The following FZD8 variants were observed in gnomAD, a reference collection of about 807,000 sequenced individuals.
The protein encoded by FZD8 is frizzled-8.
In FZD8, 18 loss-of-function variants were observed where a neutral mutation model predicts 46.0. That is an observed-to-expected ratio of 0.39 (90% confidence interval 0.27 to 0.58). The LOEUF (loss-of-function observed/expected upper bound fraction) is 0.58, where lower values mean the gene tolerates loss of function less well. Among genes scored for constraint, FZD8 ranks in the 20% least tolerant of loss-of-function variants. The pLI, the probability that FZD8 is intolerant of heterozygous loss-of-function variation, is 0.55. For synonymous variants in FZD8, 586 were observed against 467.9 expected, an observed-to-expected ratio of 1.25 and a Z score of -3.26; for missense variants, 785 against 983.4, an observed-to-expected ratio of 0.80 and a Z score of 2.70.
At position 35,639,705 on chromosome 10, in the gene FZD8, G is replaced by A. The variant is rs61754569; in HGVS notation, c.1725C>T (p.Pro575=). The A allele has an allele frequency of 1.5e-3, 2,451 of 1,599,650 alleles. 10 individuals carry two copies. Among genetic ancestry groups the A allele is most frequent in the Middle Eastern group, 0.011 (69 of 6,062 alleles). ...CGTAGTCGGGCCTGCGTGCCTGGTCGGGCTGCAGGTCCCGCAGGCACGGGC... is the reference window on the plus strand; with the variant it reads ...CGTAGTCGGGCCTGCGTGCCTGGTCAGGCTGCAGGTCCCGCAGGCACGGGC... ...HNCPCLRDLQ[P]DQARRPDYAV... The change falls in exon 1 of 1, where the codon CCC becomes CCT. Residue 575 remains proline, a synonymous_variant. Transcript: ENST00000374694.
Position 35,640,753 on chromosome 10 carries a change from G to A in FZD8, c.677C>T (p.Ala226Val), listed in dbSNP as rs578143078. 53 of 1,298,936 alleles carry A rather than the reference G, an allele frequency of 4.1e-5. No individual in the cohort carries two copies. In the African/African-American group the frequency reaches 7.6e-4, roughly 19 times the overall value. The allele number at this position is 1,298,936 out of a possible 1,614,324, so 80.5% of individuals were successfully genotyped here. The change falls in exon 1 of 1, where the codon GCT becomes GTT. Residue 226 changes from alanine to valine, a missense_variant. Physicochemically the swap from Ala to Val is moderately conservative, Grantham distance 64. Transcript: ENST00000374694. Reference protein sequence around the residue: ...GKARPPGGGAAPCEPGCQCRA... With the variant: ...GKARPPGGGAVPCEPGCQCRA... ...GCACTGGCACCCGGGCTCGCAGGGA[G>A]CCGCGCCGCCGCCAGGGGGCCGCGC...
chr10:35,638,348 G>A lies in FZD8; in HGVS notation c.*997C>T, dbSNP rs530914886. 1 of 152,600 alleles carries A rather than the reference G, an allele frequency of 6.6e-6. No homozygotes were observed. The highest frequency in any genetic ancestry group is 2.1e-4 in the South Asian group (1 of 4,820). The allele number at this position is 152,600 out of a possible 1,614,324, so 9.5% of individuals were successfully genotyped here. A position where few individuals can be genotyped will look rare whatever the true frequency, so the allele number is the denominator to read the frequency against. ...GTTCCATTTACATCCACTAAAGTGA[G>A]AGTTGTTATCCATGGATCAGAAAAG... On this transcript the variant is annotated 3_prime_UTR_variant, in exon 1 of 1. Coordinates refer to ENST00000374694, the MANE Select transcript of FZD8 (RefSeq NM_031866.3).
In FZD8 at chr10:35,640,380, AGCGCCCCCCGCGCCCG is replaced by A; in HGVS notation, c.1034_1049del (p.Pro345LeufsTer66). ...CCGCCGCCGCGCCGCCCGCGCCCCC[AGCGCCCCCCGCGCCCG>A]GCGCGCCACCGCTGCACGCCACCTT... is the stretch of plus-strand genomic sequence containing the variant. On this transcript the variant is annotated frameshift_variant, in exon 1 of 1. Coordinates refer to ENST00000374694, the MANE Select transcript of FZD8 (RefSeq NM_031866.3). LOFTEE classifies it high-confidence loss of function. The A allele has an allele frequency of 9.5e-7, 1 of 1,051,634 alleles. No individual in the cohort carries two copies. The highest frequency in any genetic ancestry group is 1.2e-6 in the Non-Finnish European group (1 of 861,064). The allele number at this position is 1,051,634 out of a possible 1,614,324, so 65.1% of individuals were successfully genotyped here.
In FZD8 at chr10:35,639,462, C is replaced by CCCG. The variant is rs1231870066; in HGVS notation, c.1965_1967dup (p.Gly657dup). The CCCG allele has an allele frequency of 7.7e-6, 8 of 1,039,002 alleles. No individual in the cohort carries two copies. The highest frequency in any genetic ancestry group is 8.2e-6 in the Non-Finnish European group (7 of 855,068). 64.4% of individuals were successfully genotyped at this position (1,039,002 alleles called of 1,614,324 possible). A position where few individuals can be genotyped will look rare whatever the true frequency, so the allele number is the denominator to read the frequency against. On this transcript the variant is annotated inframe_insertion, in exon 1 of 1. Transcript: ENST00000374694. Reference sequence around the variant, plus strand: ...GGGAGCCCCCGCCGCCGCCCGGCCCCCCGCCGCCGCCGGGTCCCCCGCCGC... The same window carrying CCCG: ...GGGAGCCCCCGCCGCCGCCCGGCCCCCCGCCGCCGCCGCCGGGTCCCCCGCCGC...
Position 35,640,546 on chromosome 10 carries a change from G to A in FZD8, c.884C>T (p.Thr295Ile), listed in dbSNP as rs777259495. The change falls in exon 1 of 1, where the codon ACC becomes ATC. Residue 295 changes from threonine (T) to isoleucine (I), a missense_variant. Transcript: ENST00000374694. Reference sequence around the variant, plus strand: ...CATGTCGATAAGGAAGGTGGAGACGGTGGCGAAGGTGGACACGAAGCAGAG... The same window carrying A: ...CATGTCGATAAGGAAGGTGGAGACGATGGCGAAGGTGGACACGAAGCAGAG... ...SVLCFVSTFATVSTFLIDMER... is the reference protein window; with the variant it reads ...SVLCFVSTFAIVSTFLIDMER... 2 of 1,588,030 alleles carry A rather than the reference G, an allele frequency of 1.3e-6. No homozygotes were observed. The highest frequency in any genetic ancestry group is 1.1e-5 in the South Asian group (1 of 88,896).
In FZD8 at chr10:35,642,279, G is replaced by C. The variant is rs1015413694; in HGVS notation, c.-850C>G. The stretch of plus-strand genomic sequence containing the variant: ...AGCAGCGCCCTTAGCCCAACTTCCC[G>C]GCTCCAGCCCCGCTCGCGCCGCGCT... On this transcript the variant is annotated 5_prime_UTR_variant, in exon 1 of 1. Transcript: ENST00000374694. The C allele has an allele frequency of 3.9e-5, 6 of 152,382 alleles. No individual in the cohort carries two copies. Among genetic ancestry groups the C allele is most frequent in the Admixed American group, 6.5e-5 (1 of 15,280 alleles). 9.4% of individuals were successfully genotyped at this position (152,382 alleles called of 1,614,324 possible).
chr10:35,639,834 G>A lies in FZD8; in HGVS notation c.1596C>T (p.Arg532=), dbSNP rs745778504. The change falls in exon 1 of 1, where the codon CGC becomes CGT. Residue 532 remains arginine (R), a synonymous_variant. Transcript: ENST00000374694. ...KTHKLEKLMI[R]LGLFTVLYTV... is the part of the protein sequence containing the mutation. ...TGTAGAGCACGGTGAACAGGCCCAG[G>A]CGGATCATCAGCTTCTCCAGCTTGT... 4 of 1,556,226 alleles carry A rather than the reference G, an allele frequency of 2.6e-6. No individual in the cohort carries two copies. The highest frequency in any genetic ancestry group is 1.8e-5 in the Admixed American group (1 of 56,632).
rs999967919 is a variant in FZD8 at position 35,641,559 on chromosome 10, A to AG, written c.-131dup. The stretch of plus-strand genomic sequence containing the variant: ...GGGTCTCCCTTATGCTTCGCCCGGG[A>AG]GGGGGGTCTGCCGATAATCTAACCC... On this transcript the variant is annotated 5_prime_UTR_variant, in exon 1 of 1. Transcript: ENST00000374694. This position sits in a 1 kb window ranked among gnomAD's most constrained non-coding sequence, Gnocchi z 6.3. 2.6e-5 allele frequency: 32 copies of AG among 1,238,888 alleles called. No homozygotes were observed. Among genetic ancestry groups the AG allele is most frequent in the African/African-American group, 9.3e-5 (6 of 64,336 alleles). The allele number at this position is 1,238,888 out of a possible 1,614,324, so 76.7% of individuals were successfully genotyped here.
At position 35,641,484 on chromosome 10, in the gene FZD8, C is replaced by CGG. The variant is rs142623421; in HGVS notation, c.-57_-56dup. On this transcript the variant is annotated 5_prime_UTR_variant, in exon 1 of 1. Transcript: ENST00000374694. The surrounding 1 kb of genome is among the most constrained non-coding windows in gnomAD (Gnocchi z 6.3). ...CTCCAGGCGGCGCGCAGAGGGGTGC[C>CGG]GGGGGGGGGGCCCACGAGAGAGCCG... The CGG allele has an allele frequency of 0.048, 64,089 of 1,330,186 alleles. 353 individuals are homozygous for CGG. The highest frequency in any genetic ancestry group is 0.1 in the Admixed American group (4,164 of 41,172). The allele number at this position is 1,330,186 out of a possible 1,614,324, so 82.4% of individuals were successfully genotyped here.
At position 35,641,484 on chromosome 10, in the gene FZD8, C is replaced by CGGG. The variant is rs142623421; in HGVS notation, c.-58_-56dup. On this transcript the variant is annotated 5_prime_UTR_variant, in exon 1 of 1. Transcript: ENST00000374694. This position sits in a 1 kb window ranked among gnomAD's most constrained non-coding sequence, Gnocchi z 6.3. ...CTCCAGGCGGCGCGCAGAGGGGTGC[C>CGGG]GGGGGGGGGGCCCACGAGAGAGCCG... is the stretch of plus-strand genomic sequence containing the variant. The CGGG allele has an allele frequency of 1.6e-3, 2,213 of 1,368,014 alleles. 7 individuals carry two copies. Among genetic ancestry groups the CGGG allele is most frequent in the African/African-American group, 0.016 (1,067 of 66,244 alleles). The allele number at this position is 1,368,014 out of a possible 1,614,324, so 84.7% of individuals were successfully genotyped here.
chr10:35,641,159 T>C lies in FZD8; in HGVS notation c.271A>G (p.Met91Val). The C allele has an allele frequency of 6.2e-7, 1 of 1,613,814 alleles. No individual in the cohort carries two copies. Among genetic ancestry groups the C allele is most frequent in the Non-Finnish European group, 8.5e-7 (1 of 1,179,874 alleles). The change falls in exon 1 of 1, where the codon ATG (methionine) becomes GTG (valine). Residue 91 changes from methionine (M) to valine (V), a missense_variant. Physicochemically the swap from Met to Val is conservative, Grantham distance 21 (BLOSUM62 1). Around this residue, in one of 5 missense-constraint regions of FZD8, gnomAD observed 354 missense variants for 433.2 expected, o/e 0.82. Transcript: ENST00000374694. The surrounding 1 kb of genome is among the most constrained non-coding windows in gnomAD (Gnocchi z 6.3). ...SPDLKFFLCSMYTPICLEDYK... is the reference protein window; with the variant it reads ...SPDLKFFLCSVYTPICLEDYK... ...TCCTCTAGGCAGATGGGCGTGTACA[T>C]GCTGCACAGGAAGAACTTGAGATCG...
chr10:35,639,511 C>G lies in FZD8; in HGVS notation c.1919G>C (p.Gly640Ala). 1.9e-6 allele frequency: 2 copies of G among 1,070,466 alleles called. No homozygotes were observed. The highest frequency in any genetic ancestry group is 2.3e-6 in the Non-Finnish European group (2 of 882,804). The allele number at this position is 1,070,466 out of a possible 1,614,324, so 66.3% of individuals were successfully genotyped here. Residue 640 changes from glycine (G) to alanine (A), a missense_variant, in exon 1 of 1, where the codon GGT becomes GCT. Gly to Ala is a moderately conservative substitution (Grantham distance 60). Around this residue, in one of 5 missense-constraint regions of FZD8, gnomAD observed 185 missense variants for 180.8 expected, o/e 1.02. Transcript: ENST00000374694. ...GCCGCCGCCCCCCGGCCCGCCGCCA[C>G]CCCCCGCGGCCGTGGCGCCCGCGCC... Reference protein sequence around the residue: ...GGGAGATAAGGGGGPGGGGGG... With the variant: ...GGGAGATAAGAGGGPGGGGGG...
rs1835849031 is a variant in FZD8, at chr10:35,640,876, G to C, written c.554C>G (p.Pro185Arg). The change falls in exon 1 of 1, where the codon CCG becomes CGG. Residue 185 changes from proline to arginine, a missense_variant. Transcript: ENST00000374694. ...QPPSGSGHGR[P>R]PGARPPHRGG... ...GCGGTGCGGGGGCCTGGCCCCCGGC[G>C]GGCGGCCGTGGCCGCTGCCCGAAGG... The C allele has an allele frequency of 1.0e-6, 1 of 979,298 alleles. No homozygotes were observed. The highest frequency in any genetic ancestry group is 1.2e-6 in the Non-Finnish European group (1 of 826,900). 60.7% of individuals were successfully genotyped at this position (979,298 alleles called of 1,614,324 possible).
Position 35,641,129 on chromosome 10 carries a change from TGTA to T in FZD8, c.298_300del (p.Tyr100del), listed in dbSNP as rs779909852. The T allele has an allele frequency of 6.2e-7, 1 of 1,612,918 alleles. No individual in the cohort carries two copies. The highest frequency in any genetic ancestry group is 8.5e-7 in the Non-Finnish European group (1 of 1,179,710). ...GAGCGGCAGGGCGGCAGCGGCTTCTTGTAGTCCTCTAGGCAGATGGGCGTGTAC... is the reference window on the plus strand; with the variant it reads ...GAGCGGCAGGGCGGCAGCGGCTTCTTGTCCTCTAGGCAGATGGGCGTGTAC... On this transcript the variant is annotated inframe_deletion, in exon 1 of 1. Coordinates refer to ENST00000374694, the MANE Select transcript of FZD8 (RefSeq NM_031866.3). This position sits in a 1 kb window ranked among gnomAD's most constrained non-coding sequence, Gnocchi z 6.3.
Position 35,641,350 on chromosome 10 carries a change from G to A in FZD8, c.80C>T (p.Ala27Val), listed in dbSNP as rs756770162. The change falls in exon 1 of 1, where the codon GCC becomes GTC. Residue 27 changes from alanine (A) to valine (V), a missense_variant. This residue lies in a region of FZD8 where 354 missense variants were observed against 433.2 expected (regional missense o/e 0.82). Coordinates refer to ENST00000374694, the MANE Select transcript of FZD8 (RefSeq NM_031866.3). The surrounding 1 kb of genome is among the most constrained non-coding windows in gnomAD (Gnocchi z 6.3). Reference sequence around the variant, plus strand: ...GCATGCCAGCTCCTTGGCCGAGGCGGCCGCAGCGCCGCTAGAGCGCTGCAG... The same window carrying A: ...GCATGCCAGCTCCTTGGCCGAGGCGACCGCAGCGCCGCTAGAGCGCTGCAG... ...ALLQRSSGAAAASAKELACQE... is the reference protein window; with the variant it reads ...ALLQRSSGAAVASAKELACQE... The A allele has an allele frequency of 6.2e-7, 1 of 1,613,468 alleles. No individual in the cohort carries two copies.
chr10:35,639,610 C>T lies in FZD8; in HGVS notation c.1820G>A (p.Gly607Asp), dbSNP rs753013402. The change falls in exon 1 of 1, where the codon GGC (glycine) becomes GAC (aspartate). Residue 607 changes from glycine (G) to aspartate (D), a missense_variant. Physicochemically the swap from Gly to Asp is moderately conservative, Grantham distance 94. Around this residue, in one of 5 missense-constraint regions of FZD8, gnomAD observed 185 missense variants for 180.8 expected, o/e 1.02. Transcript: ENST00000374694. ...GITSGVWVWS[G>D]KTLESWRSLC... ...GGAGCGCCAGGACTCCAGCGTCTTG[C>T]CGGACCAGACCCACACGCCCGAGGT... The T allele has an allele frequency of 1.3e-6, 2 of 1,597,790 alleles. No homozygotes were observed. The highest frequency in any genetic ancestry group is 1.7e-5 in the Admixed American group (1 of 59,980).
In FZD8 at chr10:35,640,967, C is replaced by A. The variant is rs746630867; in HGVS notation, c.463G>T (p.Asp155Tyr). Residue 155 changes from aspartate (D) to tyrosine (Y), a missense_variant, in exon 1 of 1, where the codon GAC becomes TAC. Around this residue, in one of 5 missense-constraint regions of FZD8, gnomAD observed 354 missense variants for 433.2 expected, o/e 0.82. Coordinates refer to ENST00000374694, the MANE Select transcript of FZD8 (RefSeq NM_031866.3). The part of the protein sequence containing the change: ...DTLCMDYNRT[D>Y]LTTAAPSPPR... ...GGGCTGGGCGCGGCGGTGGTTAGGT[C>A]GGTGCGGTTGTAGTCCATGCACAGC... 2 of 1,581,836 alleles carry A rather than the reference C, an allele frequency of 1.3e-6. No homozygotes were observed. The highest frequency in any genetic ancestry group is 2.3e-5 in the East Asian group (1 of 42,938).
In FZD8 at chr10:35,640,287, C is replaced by G. The variant is rs1315370515; in HGVS notation, c.1143G>C (p.Ala381=). The change falls in exon 1 of 1, where the codon GCG becomes GCC. Residue 381 remains alanine (A), a synonymous_variant. Coordinates refer to ENST00000374694, the MANE Select transcript of FZD8 (RefSeq NM_031866.3). Reference sequence around the variant, plus strand: ...TCTCGTAGCGCACGTGCTGCTCCACCGCGCCCAGCTCCTCGTACTCGCCGC... The same window carrying G: ...TCTCGTAGCGCACGTGCTGCTCCACGGCGCCCAGCTCCTCGTACTCGCCGC... The part of the protein sequence containing the change: ...GGRGEYEELG[A]VEQHVRYETT... The G allele has an allele frequency of 1.5e-5, 24 of 1,588,832 alleles. No homozygotes were observed. Among genetic ancestry groups the G allele is most frequent in the Non-Finnish European group, 2.0e-5 (24 of 1,173,324 alleles).
In FZD8 at chr10:35,642,075, C is replaced by A. The variant is rs1287495938; in HGVS notation, c.-646G>T. 1 of 153,544 alleles carries A rather than the reference C, an allele frequency of 6.5e-6. No homozygotes were observed. Among genetic ancestry groups the A allele is most frequent in the South Asian group, 1.8e-4 (1 of 5,656 alleles). The allele number at this position is 153,544 out of a possible 1,614,324, so 9.5% of individuals were successfully genotyped here. On this transcript the variant is annotated 5_prime_UTR_variant, in exon 1 of 1. Transcript: ENST00000374694. ...CGGCGTCCGTCCTTCGTCCGTCCGC[C>A]GCCGGGACAGACGGACCCCCGCCGC... is the stretch of plus-strand genomic sequence containing the variant.
Sources: gnomAD v4.1 joint callset for allele counts on GRCh38, gnomAD v4.1.1 for gene constraint, gnomAD v4.1.1 regional missense constraint, Gnocchi (gnomAD v3.1) non-coding constraint, MANE v1.5 for transcripts, NCBI Gene and HGNC (gene_info 2026-07-23, HGNC 2026-07-21) for gene names.